Variants in RMDN2 observed in about 807,000 individuals in gnomAD.
The protein encoded by RMDN2 is regulator of microtubule dynamics protein 2.
In RMDN2, 61 loss-of-function variants were observed where a neutral mutation model predicts 52.8. That is an observed-to-expected ratio of 1.16 (90% CI 0.94 to 1.43). The LOEUF (loss-of-function observed/expected upper bound fraction) is 1.43. RMDN2 is among the 40% of genes most tolerant of loss of function. The pLI is 0.00. For synonymous variants in RMDN2, 180 were observed against 153.1 expected, an observed-to-expected ratio of 1.18 and a Z score of -1.30; for missense variants, 592 against 475.3, an observed-to-expected ratio of 1.25 and a Z score of -2.28.
At chr2:38,026,719 A>AT (rs1460512295) in intron 10 of RMDN2, among the ~76,000 whole-genome samples, 1 of 152,104 alleles carries the variant, frequency 6.6e-6, no homozygotes, top group Non-Finnish European at 1.5e-5. Flanking sequence ...CATCATCTAC[A>AT]TTAGGTATTT....
chr2:38,011,178 C>G (rs1283056765), intron 10 of RMDN2, among the ~76,000 whole-genome samples: 1 of 152,184 alleles, frequency 6.6e-6, no homozygotes, highest in African/African-American at 2.4e-5. Context: ...GCAGGTGTGG[C>G]TATCCAAGGC....
chr2:37,951,662 T>C, intron 2 of RMDN2: 1 of 1,613,396 alleles, frequency 6.2e-7, no homozygotes, highest in East Asian at 2.2e-5. Context: ...CTCAAGCAAG[T>C]GGCCAGAATG....
intron 1 of RMDN2, among the ~76,000 whole-genome samples, chr2:37,925,843 G>GT (rs1424408499): frequency 7.1e-4 from 108 of 152,150 alleles, no homozygotes; most frequent in African/African-American, 2.4e-3. Flanking sequence ...TTTGTGTGGG[G>GT]TTTTTTTTGC....
intron 5 of RMDN2, among the ~76,000 whole-genome samples, chr2:37,987,331 C>T (rs1388719997): frequency 6.6e-6 from 1 of 152,066 alleles, no homozygotes; most frequent in Admixed American, 6.5e-5. Context: ...TATGGTATAT[C>T]CATTCAATGA....
intron 10 of RMDN2, among the ~76,000 whole-genome samples, chr2:38,013,994 G>T (rs1678377429): frequency 6.6e-6 from 1 of 152,060 alleles, no homozygotes; most frequent in Admixed American, 6.5e-5. Context: ...ATCACCTGAG[G>T]TCGGGAGTTC....
Position 37,932,678 on chromosome 2 carries a change from G to A in RMDN2, c.452+2949G>A, listed in dbSNP as rs1398623554. 4.5e-4 allele frequency among the ~76,000 whole-genome samples: 65 copies of A among 145,494 alleles called. 1 individual carries two copies. The highest frequency in any genetic ancestry group is 3.9e-3 in the Admixed American group (58 of 15,032). On this transcript the variant is annotated intron_variant, in intron 2 of 10. Coordinates refer to ENST00000354545, the MANE Select transcript of RMDN2 (RefSeq NM_001170791.3). The stretch of plus-strand genomic sequence containing the variant: ...CCCTCACCTCACGGGGCGGCTGGCC[G>A]GGCGGGGGGCTGACCCCCCCCACCT...
intron 8 of RMDN2, among the ~76,000 whole-genome samples, chr2:38,000,906 G>T (rs1444119197): frequency 6.6e-6 from 1 of 152,226 alleles, no homozygotes; most frequent in Non-Finnish European, 1.5e-5. Context: ...ACGTTGATCA[G>T]TGTTTTTAAA....
chr2:37,992,109 C>T (rs142891909), intron 7 of RMDN2, among the ~76,000 whole-genome samples: 1 of 152,232 alleles, frequency 6.6e-6, no homozygotes, highest in Non-Finnish European at 1.5e-5. Flanking sequence ...TGCATTTCAT[C>T]CTTAAAACAG....
intron 2 of RMDN2, among the ~76,000 whole-genome samples, chr2:37,964,244 C>T (rs1163643964): frequency 2.0e-5 from 3 of 152,202 alleles, no homozygotes; most frequent in Admixed American, 6.5e-5. Context: ...CGGAGGGGCT[C>T]CTCCATACAC....
intron 10 of RMDN2, among the ~76,000 whole-genome samples, chr2:38,024,769 C>T (rs1039159252): frequency 6.6e-6 from 1 of 152,096 alleles, no homozygotes; most frequent in Non-Finnish European, 1.5e-5. Flanking sequence ...GAAGTTTTGC[C>T]TCCAAATCTG....
chr2:37,953,204 T>G (rs1669056016), intron 2 of RMDN2: 1 of 151,996 alleles, frequency 6.6e-6, no homozygotes, highest in African/African-American at 2.4e-5. Context: ...AAATATAAAA[T>G]TTACTATCTT....
At chr2:38,047,140 C>T (rs925399168) in intron 10 of RMDN2, among the ~76,000 whole-genome samples, 1 of 152,096 alleles carries the variant, frequency 6.6e-6, no homozygotes, top group African/African-American at 2.4e-5. Context: ...TAAACAAAGA[C>T]AGAGAGAATT....
intron 2 of RMDN2, among the ~76,000 whole-genome samples, chr2:37,942,295 C>G (rs1004915601): frequency 1.3e-5 from 2 of 152,178 alleles, no homozygotes; most frequent in African/African-American, 4.8e-5. Flanking sequence ...AGAAATCACC[C>G]TTCTGCGTTG....
chr2:37,951,612 A>T (rs1480706391), intron 2 of RMDN2: 1 of 1,613,416 alleles, frequency 6.2e-7, no homozygotes, highest in Non-Finnish European at 8.5e-7. Context: ...CCGTAAACTA[A>T]GTATAGTTTC....
At chr2:38,006,737 C>G (rs973735977) in intron 10 of RMDN2, among the ~76,000 whole-genome samples, 1 of 152,258 alleles carries the variant, frequency 6.6e-6, no homozygotes, top group South Asian at 2.1e-4. Flanking sequence ...ACTTCCAATA[C>G]TATGTTGAAT....
chr2:37,951,297 C>T (rs746247937), intron 2 of RMDN2: 1 of 1,612,286 alleles, frequency 6.2e-7, no homozygotes, highest in South Asian at 1.1e-5. Flanking sequence ...TACAGACGCC[C>T]AGCATCGTGG....
At chr2:38,062,430 T>C (rs1682090682) in intron 10 of RMDN2, among the ~76,000 whole-genome samples, 1 of 152,348 alleles carries the variant, frequency 6.6e-6, no homozygotes, top group Admixed American at 6.5e-5. Context: ...CGAGTAGTAT[T>C]CCATTGGGTG....
At chr2:37,965,182 G>A (rs1670869331) in intron 2 of RMDN2, among the ~76,000 whole-genome samples, 1 of 152,024 alleles carries the variant, frequency 6.6e-6, no homozygotes. Flanking sequence ...AACCCATTCT[G>A]CCAATATACC....
upstream of RMDN2, among the ~76,000 whole-genome samples, chr2:37,921,002 T>TA (rs1666015679): frequency 1.3e-5 from 2 of 152,254 alleles, no homozygotes; most frequent in Non-Finnish European, 2.9e-5. Flanking sequence ...AACAAAAACT[T>TA]AATGTTTCTA....
Sources: gnomAD v4.1 joint callset for allele counts (sites outside exome capture counted in the v4.1 genomes callset) on GRCh38, gnomAD v4.1.1 for gene constraint, MANE v1.5 for transcripts, NCBI Gene and HGNC (gene_info 2026-07-23, HGNC 2026-07-21) for gene names.